Variants in ZNF611 observed in about 807,000 individuals in gnomAD.
ZNF611 encodes zinc finger protein 611.
ZNF611 carries 6 observed loss-of-function variants against 8.9 expected under a neutral mutation model. The observed-to-expected ratio is 0.68, with a 90% CI of 0.37 to 1.34. The LOEUF is 1.34. ZNF611 is among the 40% of genes most tolerant of loss of function. ZNF611 has a pLI of 0.02. For synonymous variants in ZNF611, 262 were observed against 279.7 expected, an observed-to-expected ratio of 0.94 and a Z score of 0.63; for missense variants, 874 against 841.3, an observed-to-expected ratio of 1.04 and a Z score of -0.48.
At chr19:52,730,401 A>AAAAAC (rs1156788590) in intron 1 of ZNF611, among the ~76,000 whole-genome samples, 1 of 22,998 alleles carries the variant, frequency 4.3e-5, no homozygotes, top group African/African-American at 2.5e-4. Flanking sequence ...CAAAAAAAAA[A>AAAAAC]AAAAAAAAAA....
chr19:52,723,403 T>A (rs2062372772), intron 3 of ZNF611: 1 of 152,046 alleles, frequency 6.6e-6, no homozygotes, highest in Admixed American at 6.6e-5. Flanking sequence ...ATTACAGGCA[T>A]GTGCAACCGT....
intron 5 of ZNF611, among the ~76,000 whole-genome samples, chr19:52,707,798 C>T (rs929621059): frequency 2.6e-5 from 4 of 151,768 alleles, no homozygotes; most frequent in East Asian, 2.0e-4. Flanking sequence ...CTATGCCTGG[C>T]TAATTTTTGT....
intron 1 of ZNF611, among the ~76,000 whole-genome samples, chr19:52,734,160 G>T (rs2062442270): frequency 6.9e-6 from 1 of 145,910 alleles, no homozygotes; most frequent in Non-Finnish European, 1.5e-5. Flanking sequence ...CATTTCTCCG[G>T]TTGCTTTTCT....
intron 5 of ZNF611, chr19:52,711,395 A>C (rs1037819309): frequency 6.6e-6 from 1 of 152,044 alleles, no homozygotes; most frequent in East Asian, 1.9e-4. Flanking sequence ...AATTAACATT[A>C]TTTCTCAAAT....
At chr19:52,721,321 A>G in intron 3 of ZNF611, 1 of 181,922 alleles carries the variant, frequency 5.5e-6, no homozygotes, top group Non-Finnish European at 1.1e-5. Context: ...TTGGGAGGCC[A>G]AGGCAGGCGG....
rs150147144 is a variant in ZNF611, at chr19:52,705,163, A to G, written c.1892T>C (p.Phe631Ser). ...PYKCNECGNT[F>S]RHCSSLIYHR... ...GTATATAAGGGATGAGCAGTGACGG[A>G]AGGTATTGCCACACTCATTACACTT... Residue 631 changes from phenylalanine (F) to serine (S), a missense_variant, in exon 6 of 6, where the codon TTC becomes TCC. Phe to Ser is a radical substitution (Grantham distance 155). Transcript: ENST00000652185. 4.8e-5 allele frequency: 78 copies of G among 1,614,028 alleles called. No homozygotes were observed. Among genetic ancestry groups the G allele is most frequent in the Non-Finnish European group, 6.1e-5 (72 of 1,180,040 alleles).
chr19:52,725,226 G>C (rs983321008), intron 3 of ZNF611, among the ~76,000 whole-genome samples: 1 of 152,178 alleles, frequency 6.6e-6, no homozygotes, highest in African/African-American at 2.4e-5. Flanking sequence ...GGTGACTGCG[G>C]AGGGAAGACT....
chr19:52,723,324 T>G (rs1027857445), intron 3 of ZNF611: 7 of 150,382 alleles, frequency 4.7e-5, no homozygotes, highest in African/African-American at 1.7e-4. Context: ...TGGTGCGATC[T>G]TGGCTCACTG....
In ZNF611 at chr19:52,703,663, C is replaced by T. The variant is rs2062220156; in HGVS notation, c.*1274G>A. On this transcript the variant is annotated 3_prime_UTR_variant, in exon 6 of 6. Transcript: ENST00000652185. ...CTGGAGCCCAGTGGTGCGATCTCGA[C>T]TCCCTGCAAGCTCCGCCTCACAGGT... 1 of 146,848 alleles carries T rather than the reference C, an allele frequency of 6.8e-6. No individual in the cohort carries two copies. Among genetic ancestry groups the T allele is most frequent in the Admixed American group, 7.0e-5 (1 of 14,360 alleles). The allele number at this position is 146,848 out of a possible 1,614,324, so 9.1% of individuals were successfully genotyped here. A position where few individuals can be genotyped will look rare whatever the true frequency, so the allele number is the denominator to read the frequency against.
At chr19:52,730,252 C>T (rs1360710720) in intron 1 of ZNF611, among the ~76,000 whole-genome samples, 1 of 151,682 alleles carries the variant, frequency 6.6e-6, no homozygotes, top group East Asian at 1.9e-4. Flanking sequence ...ATTAGCCGGG[C>T]ATAGTGGCGG....
chr19:52,727,156 G>A (rs1020684550), intron 3 of ZNF611, among the ~76,000 whole-genome samples: 28 of 152,116 alleles, frequency 1.8e-4, no homozygotes, highest in African/African-American at 6.5e-4. Context: ...GTGAGTCACT[G>A]TGCCTGGCCC....
chr19:52,733,183 A>C lies in ZNF611; in HGVS notation c.-222+1818T>G, dbSNP rs954090028. On this transcript the variant is annotated intron_variant, in intron 1 of 5. Transcript: ENST00000652185. The stretch of plus-strand genomic sequence containing the variant: ...TATAGATACGAATTTTAAAATTCTC[A>C]ATCTCATCTGTGTAATTTAAACAAG... 1.8e-4 allele frequency among the ~76,000 whole-genome samples: 27 copies of C among 152,212 alleles called. 1 individual carries two copies. The highest frequency in any genetic ancestry group is 6.0e-4 in the African/African-American group (25 of 41,452).
chr19:52,715,433 C>A (rs1280478243), intron 4 of ZNF611, among the ~76,000 whole-genome samples: 1 of 152,158 alleles, frequency 6.6e-6, no homozygotes, highest in Non-Finnish European at 1.5e-5. Context: ...AATCTCTCTC[C>A]TTATTATTCT....
At chr19:52,723,672 A>G (rs2062374308) in intron 3 of ZNF611, 1 of 152,220 alleles carries the variant, frequency 6.6e-6, no homozygotes, top group South Asian at 2.1e-4. Flanking sequence ...GTGGGCTCAG[A>G]GGACCAGCAC....
In ZNF611 at chr19:52,706,558, T is replaced by C. The variant is rs1379153463; in HGVS notation, c.497A>G (p.Glu166Gly). 1 of 1,614,190 alleles carries C rather than the reference T, an allele frequency of 6.2e-7. No homozygotes were observed. Among genetic ancestry groups the C allele is most frequent in the Non-Finnish European group, 8.5e-7 (1 of 1,180,034 alleles). The change falls in exon 6 of 6, where the codon GAA becomes GGA. Residue 166 changes from glutamate to glycine, a missense_variant. By Grantham distance (98) the Glu-to-Gly change is moderately conservative. Coordinates refer to ENST00000652185, the MANE Select transcript of ZNF611 (RefSeq NM_001161499.2). Reference sequence around the variant, plus strand: ...ACCTTTGATCTGAAATATGTGGAGTTCAGGCAGATGTGAATAAAAGCTTGA... The same window carrying C: ...ACCTTTGATCTGAAATATGTGGAGTCCAGGCAGATGTGAATAAAAGCTTGA... ...LGSSFYSHLP[E>G]LHIFQIKGEI...
rs2062240730 is a variant in ZNF611, at chr19:52,706,042, G to GT, written c.1012dup (p.Thr338AsnfsTer9). The stretch of plus-strand genomic sequence containing the variant: ...ATTACACTTGTAAGGATTTTCTCCA[G>GT]TATCAATTGCCTTATCAATTAGAAG... On this transcript the variant is annotated frameshift_variant, in exon 6 of 6. Coordinates refer to ENST00000652185, the MANE Select transcript of ZNF611 (RefSeq NM_001161499.2). LOFTEE classifies it low-confidence loss of function (END_TRUNC). 3.1e-6 allele frequency: 5 copies of GT among 1,614,032 alleles called. No individual in the cohort carries two copies. Among genetic ancestry groups the GT allele is most frequent in the Non-Finnish European group, 4.2e-6 (5 of 1,179,996 alleles).
Position 52,703,575 on chromosome 19 carries a change from G to A in ZNF611, c.*1362C>T, listed in dbSNP as rs563590628. ...TTGCAGGGATGAGCCACCACGTACC[G>A]AGGCTTTGATATCCTTTTTTTTTTT... On this transcript the variant is annotated 3_prime_UTR_variant, in exon 6 of 6. Transcript: ENST00000652185. 6.7e-6 allele frequency: 1 copy of A among 149,604 alleles called. No individual in the cohort carries two copies. Among genetic ancestry groups the A allele is most frequent in the Non-Finnish European group, 1.5e-5 (1 of 67,852 alleles). The allele number at this position is 149,604 out of a possible 1,614,324, so 9.3% of individuals were successfully genotyped here. A position where few individuals can be genotyped will look rare whatever the true frequency, so the allele number is the denominator to read the frequency against.
chr19:52,714,214 G>A (rs1300161678), intron 4 of ZNF611, 73 bp from the exon 5 acceptor site: 9 of 1,576,112 alleles, frequency 5.7e-6, no homozygotes, highest in Non-Finnish European at 6.9e-6. Flanking sequence ...AATGAGAAAT[G>A]AGAAAATAAG....
chr19:52,718,327 C>G (rs8102955), intron 3 of ZNF611, among the ~76,000 whole-genome samples: 2 of 151,532 alleles, frequency 1.3e-5, no homozygotes, highest in African/African-American at 4.9e-5. Context: ...GTGACAGAGT[C>G]TCAATAAATA....
Sources: gnomAD v4.1 joint callset for allele counts (sites outside exome capture counted in the v4.1 genomes callset) on GRCh38, gnomAD v4.1.1 for gene constraint, MANE v1.5 for transcripts, NCBI Gene and HGNC (gene_info 2026-07-23, HGNC 2026-07-21) for gene names.